The following DDX60L variants were observed in gnomAD, a reference collection of about 807,000 sequenced individuals.
DDX60L encodes DExD/H-box 60 like, also known as probable ATP-dependent RNA helicase DDX60-like.
In DDX60L, 191 loss-of-function variants were observed where a neutral mutation model predicts 211.6. The ratio of observed to expected loss-of-function variants is 0.90; its 90% CI spans 0.80 to 1.02. The LOEUF is 1.02. DDX60L is among the 50% of genes least tolerant of loss of function. DDX60L has a pLI of 0.00. For synonymous variants in DDX60L, 706 were observed against 694.1 expected (o/e 1.02, Z -0.27); for missense variants, 2,007 against 1,984.1 (o/e 1.01, Z -0.22).
At chr4:168,472,415 C>T in intron 3 of DDX60L, 40 bp downstream of exon 3, 2 of 1,392,132 alleles carry the variant, frequency 1.4e-6, no homozygotes, top group Non-Finnish European at 2.0e-6. Flanking sequence ...ACAGAGCATA[C>T]AATAGTATAG....
chr4:168,448,708 A>G lies in DDX60L; in HGVS notation c.1068T>C (p.His356=), dbSNP rs373468836. 69 of 1,604,498 alleles carry G rather than the reference A, an allele frequency of 4.3e-5. No homozygotes were observed. The highest frequency in any genetic ancestry group is 5.7e-5 in the Non-Finnish European group (67 of 1,172,424). ...VFGCWNLNLN[H]VSDLYDEQLL... ...ATTGCTCATCATACAAGTCAGAAAC[A>G]TGATTTAAATTCAGATTCCAGCATC... Residue 356 remains histidine (H), a synonymous_variant, in exon 9 of 38, where the codon CAT becomes CAC. Coordinates refer to ENST00000682922, the MANE Select transcript of DDX60L (RefSeq NM_001012967.3).
rs750395940 is a variant in DDX60L, at chr4:168,379,377, T to G, written c.4349A>C (p.Lys1450Thr). The change falls in exon 32 of 38, where the codon AAG becomes ACG. Residue 1450 changes from lysine (K) to threonine (T), a missense_variant. Physicochemically the swap from Lys to Thr is moderately conservative, Grantham distance 78 (BLOSUM62 -1). Transcript: ENST00000682922. Reference protein sequence around the residue: ...LKRGLFHNLCKPAWKGSQQFS... With the variant: ...LKRGLFHNLCTPAWKGSQQFS... ...CCCAAGCTTACCTTTCCAGGCTGGC[T>G]TACAGAGATTATGGAAAAGGCCTCT... 60 of 1,587,320 alleles carry G rather than the reference T, an allele frequency of 3.8e-5. 1 individual carries two copies. Among genetic ancestry groups the G allele is most frequent in the Non-Finnish European group, 5.1e-5 (60 of 1,172,086 alleles).
chr4:168,381,196 G>C (rs1002808016), intron 30 of DDX60L, among the ~76,000 whole-genome samples: 3 of 152,168 alleles, frequency 2.0e-5, no homozygotes, highest in African/African-American at 7.2e-5. Context: ...CTATTTTCTG[G>C]GCAGGAATTC....
chr4:168,375,599 C>T, intron 33 of DDX60L, 75 bp from the exon 34 acceptor site: 1 of 1,343,936 alleles, frequency 7.4e-7, no homozygotes, highest in Non-Finnish European at 9.9e-7. Flanking sequence ...GATAAGATTG[C>T]AGCATAGTTC....
intron 29 of DDX60L, among the ~76,000 whole-genome samples, chr4:168,385,521 C>T (rs1384229202): frequency 6.6e-6 from 1 of 152,152 alleles, no homozygotes; most frequent in Admixed American, 6.5e-5. Flanking sequence ...ATGGGAACCC[C>T]AACTTGAAGC....
chr4:168,372,607 G>A lies in DDX60L; in HGVS notation c.4777-844C>T, dbSNP rs548972309. On this transcript the variant is annotated intron_variant, in intron 35 of 37. Coordinates refer to ENST00000682922, the MANE Select transcript of DDX60L (RefSeq NM_001012967.3). ...CTGGGCATGCTGGCACGTGCGTGTAGTTCCAGGTATATGGGAGACTGAGGT... is the reference window on the plus strand; with the variant it reads ...CTGGGCATGCTGGCACGTGCGTGTAATTCCAGGTATATGGGAGACTGAGGT... Among the ~76,000 whole-genome samples the A allele has an allele frequency of 7.2e-5, 11 of 152,050 alleles. 1 individual carries two copies. In the South Asian group the frequency reaches 2.3e-3, roughly 32 times the overall value.
At position 168,471,836 on chromosome 4, in the gene DDX60L, C is replaced by T; in HGVS notation, c.175G>A (p.Gly59Arg). The change falls in exon 4 of 38, where the codon GGA (glycine) becomes AGA (arginine). Residue 59 changes from glycine to arginine, a missense_variant. By Grantham distance (125) the Gly-to-Arg change is moderately radical. Transcript: ENST00000682922. ...TCLGVKSFKWGQNLHFFYLVE... is the reference protein window; with the variant it reads ...TCLGVKSFKWRQNLHFFYLVE... ...AGATAGAAAAAGTGGAGATTCTGTC[C>T]CCACTTGAATGATTTTACACCCAGG... 6.2e-7 allele frequency: 1 copy of T among 1,613,406 alleles called. No individual in the cohort carries two copies. Among genetic ancestry groups the T allele is most frequent in the Non-Finnish European group, 8.5e-7 (1 of 1,179,628 alleles).
intron 31 of DDX60L, 23 bp from the exon 32 acceptor site, chr4:168,379,527 T>A: frequency 6.6e-7 from 1 of 1,506,996 alleles, no homozygotes; most frequent in Non-Finnish European, 8.9e-7. Flanking sequence ...AACAAAAAGT[T>A]GATTTAACTT....
Position 168,457,570 on chromosome 4 carries a change from T to C in DDX60L, c.723+322A>G, listed in dbSNP as rs115470709. Among the ~76,000 whole-genome samples the C allele has an allele frequency of 2.2e-3, 331 of 152,282 alleles. 1 individual carries two copies. The highest frequency in any genetic ancestry group is 7.7e-3 in the African/African-American group (320 of 41,570). ...ATTAATTCCACATTTTGACTGTTTA[T>C]ATGGCAAATGATATCTTAGAGCCCT... On this transcript the variant is annotated intron_variant, in intron 6 of 37. Transcript: ENST00000682922.
In DDX60L at chr4:168,379,800, A is replaced by G; in HGVS notation, c.4147T>C (p.Ser1383Pro). Reference protein sequence around the residue: ...VLSVLKHSLLSFKRRRAMETL... With the variant: ...VLSVLKHSLLPFKRRRAMETL... ...TCCATGGCTCTTCGTCTCTTAAAAGACAGCAATGAATGCTTTAGCACTGAC... is the reference window on the plus strand; with the variant it reads ...TCCATGGCTCTTCGTCTCTTAAAAGGCAGCAATGAATGCTTTAGCACTGAC... The change falls in exon 31 of 38, where the codon TCT becomes CCT. Residue 1383 changes from serine (S) to proline (P), a missense_variant. Physicochemically the swap from Ser to Pro is moderately conservative, Grantham distance 74. Coordinates refer to ENST00000682922, the MANE Select transcript of DDX60L (RefSeq NM_001012967.3). The G allele has an allele frequency of 6.2e-7, 1 of 1,612,956 alleles. No homozygotes were observed. The highest frequency in any genetic ancestry group is 8.5e-7 in the Non-Finnish European group (1 of 1,179,394).
intron 1 of DDX60L, 52 bp downstream of exon 1, chr4:168,480,325 C>A (rs923612742): frequency 2.0e-5 from 3 of 152,362 alleles, no homozygotes; most frequent in African/African-American, 7.2e-5. Flanking sequence ...CCCCGCGGGA[C>A]AGCTCCGCTC....
intron 9 of DDX60L, among the ~76,000 whole-genome samples, chr4:168,443,732 T>C (rs1754306521): frequency 6.7e-6 from 1 of 149,368 alleles, no homozygotes; most frequent in Non-Finnish European, 1.5e-5. Flanking sequence ...TCAACATTCT[T>C]AAAGAAAAGA....
intron 36 of DDX60L, among the ~76,000 whole-genome samples, chr4:168,369,990 T>C (rs1158486099): frequency 6.6e-6 from 1 of 152,110 alleles, no homozygotes; most frequent in East Asian, 1.9e-4. Flanking sequence ...AATGAGTATA[T>C]CCATTATGGA....
At chr4:168,424,540 G>A (rs1048273617) in intron 14 of DDX60L, among the ~76,000 whole-genome samples, 14 of 152,100 alleles carry the variant, frequency 9.2e-5, no homozygotes, top group African/African-American at 3.1e-4. Context: ...CTTACATCAA[G>A]GAACCTTCAA....
chr4:168,389,910 C>T (rs983971095), intron 29 of DDX60L, among the ~76,000 whole-genome samples: 16 of 152,108 alleles, frequency 1.1e-4, no homozygotes, highest in Admixed American at 6.5e-5. Context: ...CATTGTATGA[C>T]AAATCCTTCT....
At chr4:168,382,999 T>C (rs1743230194) in intron 30 of DDX60L, among the ~76,000 whole-genome samples, 4 of 152,210 alleles carry the variant, frequency 2.6e-5, no homozygotes, top group Admixed American at 2.6e-4. Flanking sequence ...GTGGTTGTTA[T>C]TGCCATTTTG....
At position 168,441,401 on chromosome 4, in the gene DDX60L, T is replaced by A. The variant is rs1753814921; in HGVS notation, c.1230A>T (p.Gly410=). The part of the protein sequence containing the change: ...VSHLVKEFNV[G]KSFPLRTTRR... ...TTGTTGTTCTCAGAGGAAAAGACTT[T>A]CCAACGTTAAATTCTTTAACCAGGT... is the stretch of plus-strand genomic sequence containing the variant. The change falls in exon 10 of 38, where the codon GGA becomes GGT. Residue 410 remains glycine (G), a synonymous_variant. Transcript: ENST00000682922. 1.9e-6 allele frequency: 3 copies of A among 1,613,152 alleles called. No individual in the cohort carries two copies. The highest frequency in any genetic ancestry group is 3.3e-5 in the Admixed American group (2 of 59,888).
Position 168,375,502 on chromosome 4 carries a change from T to C in DDX60L, c.4508A>G (p.Glu1503Gly). 6.2e-7 allele frequency: 1 copy of C among 1,610,778 alleles called. No individual in the cohort carries two copies. The highest frequency in any genetic ancestry group is 8.5e-7 in the Non-Finnish European group (1 of 1,178,672). The change falls in exon 34 of 38, where the codon GAG becomes GGG. Residue 1503 changes from glutamate to glycine, a missense_variant. By Grantham distance (98) the Glu-to-Gly change is moderately conservative. Transcript: ENST00000682922. ...CTCATATAAAGCAGCTTTAAAATCCTCCGGGAGTTCGGCAAGGATCACCTA... is the reference window on the plus strand; with the variant it reads ...CTCATATAAAGCAGCTTTAAAATCCCCCGGGAGTTCGGCAAGGATCACCTA... ...QSKVILAELP[E>G]DFKAALYEYN...
intron 4 of DDX60L, chr4:168,470,316 C>G (rs945569502): frequency 1.3e-5 from 2 of 152,208 alleles, no homozygotes; most frequent in Non-Finnish European, 2.9e-5. Flanking sequence ...TAAAAACTTA[C>G]GTCCACACGA....
Sources: gnomAD v4.1 joint callset for allele counts (sites outside exome capture counted in the v4.1 genomes callset) on GRCh38, gnomAD v4.1.1 for gene constraint, MANE v1.5 for transcripts, NCBI Gene and HGNC (gene_info 2026-07-23, HGNC 2026-07-21) for gene names.